The following MTUS1 variants were observed in gnomAD, a reference collection of about 807,000 sequenced individuals.
MTUS1 encodes microtubule-associated tumor suppressor 1.
Under a neutral mutation model 120.8 loss-of-function variants are expected in MTUS1, and 109 were observed. The observed-to-expected ratio is 0.90, with a 90% CI of 0.77 to 1.06. The LOEUF is 1.06. Among genes scored for constraint, MTUS1 ranks in the 50% least tolerant of loss-of-function variants. The pLI is 0.00. For synonymous variants in MTUS1, 737 were observed against 550.5 expected, an observed-to-expected ratio of 1.34 and a Z score of -4.74; for missense variants, 2,210 against 1,486.3, an observed-to-expected ratio of 1.49 and a Z score of -8.01.
intron 1 of MTUS1, among the ~76,000 whole-genome samples, chr8:17,765,657 A>C (rs2049424695): frequency 1.4e-5 from 2 of 140,252 alleles, no homozygotes; most frequent in Non-Finnish European, 3.1e-5. Flanking sequence ...TCTATACTTC[A>C]CCATCATTAA....
chr8:17,687,289 A>T (rs1293179254), intron 6 of MTUS1, among the ~76,000 whole-genome samples: 1 of 152,128 alleles, frequency 6.6e-6, no homozygotes, highest in Non-Finnish European at 1.5e-5. Flanking sequence ...CAGTTTCCAC[A>T]TGCTTCCCAC....
chr8:17,680,182 G>T (rs905754201), intron 7 of MTUS1, among the ~76,000 whole-genome samples: 1 of 152,234 alleles, frequency 6.6e-6, no homozygotes, highest in East Asian at 1.9e-4. Context: ...GTGGGTTCTG[G>T]ACTGGGAGTG....
intron 5 of MTUS1, 119 bp from the exon 6 acceptor site, chr8:17,713,371 G>A (rs558707714): frequency 3.8e-5 from 25 of 654,072 alleles, no homozygotes; most frequent in African/African-American, 1.5e-4. Context: ...TCAGGTTCCC[G>A]GTGGGAAATA....
At chr8:17,696,464 C>A (rs1276097191) in intron 6 of MTUS1, among the ~76,000 whole-genome samples, 1 of 152,022 alleles carries the variant, frequency 6.6e-6, no homozygotes, top group African/African-American at 2.4e-5. Flanking sequence ...GCTATTCAGC[C>A]CAAAACAAAT....
intron 2 of MTUS1, among the ~76,000 whole-genome samples, chr8:17,750,761 C>G (rs974458985): frequency 6.6e-6 from 1 of 152,230 alleles, no homozygotes; most frequent in South Asian, 2.1e-4. Context: ...AGAGCAAGCA[C>G]TGAATAAATA....
chr8:17,660,442 A>T (rs1355064082), intron 8 of MTUS1, among the ~76,000 whole-genome samples: 1 of 152,166 alleles, frequency 6.6e-6, no homozygotes, highest in East Asian at 1.9e-4. Flanking sequence ...CCATCCACGG[A>T]CACTTGGGTT....
At chr8:17,728,026 C>T (rs554276249) in intron 3 of MTUS1, among the ~76,000 whole-genome samples, 11 of 152,140 alleles carry the variant, frequency 7.2e-5, no homozygotes, top group African/African-American at 2.2e-4. Flanking sequence ...CAGTAAAAGA[C>T]GCCTAGCAAA....
chr8:17,673,366 G>A (rs939596148), intron 8 of MTUS1, among the ~76,000 whole-genome samples: 81 of 152,176 alleles, frequency 5.3e-4, no homozygotes, highest in African/African-American at 1.8e-3. Flanking sequence ...AATAAAGTGA[G>A]GACTGATGTC....
At chr8:17,711,625 G>C (rs1398931391) in intron 6 of MTUS1, among the ~76,000 whole-genome samples, 1 of 152,122 alleles carries the variant, frequency 6.6e-6, no homozygotes, top group African/African-American at 2.4e-5. Context: ...TTTCTTATTT[G>C]AGTGTTCACT....
intron 1 of MTUS1, among the ~76,000 whole-genome samples, chr8:17,784,789 CTT>C (rs35184947): frequency 6.8e-6 from 1 of 147,306 alleles, no homozygotes. Flanking sequence ...ACAAGAAGAA[CTT>C]TTTTTTTTTT....
chr8:17,656,259 G>C (rs1808203175), intron 8 of MTUS1, among the ~76,000 whole-genome samples, 194 bp from the exon 9 acceptor site: 1 of 152,144 alleles, frequency 6.6e-6, no homozygotes. Context: ...AGGGCGCAGT[G>C]GCTCACACCT....
In MTUS1 at chr8:17,656,005, T is replaced by C. The variant is rs200082558; in HGVS notation, c.2966A>G (p.Tyr989Cys). 9.3e-6 allele frequency: 15 copies of C among 1,614,136 alleles called. No individual in the cohort carries two copies. In the African/African-American group the frequency reaches 1.5e-4, roughly 16 times the overall value. Residue 989 changes from tyrosine (Y) to cysteine (C), a missense_variant, in exon 9 of 15, where the codon TAT becomes TGT. Transcript: ENST00000693296. ...EKARNELQTVYEAFVQQHQAE... is the reference protein window; with the variant it reads ...EKARNELQTVCEAFVQQHQAE... ...CTGGTGCTGCTGGACGAATGCTTCA[T>C]ACACTGTTTGTAACTCATTCCTGGC...
chr8:17,757,211 G>A (rs923729246), intron 1 of MTUS1, among the ~76,000 whole-genome samples: 48 of 152,012 alleles, frequency 3.2e-4, no homozygotes, highest in African/African-American at 1.1e-3. Context: ...ATATTCCTCA[G>A]CAATAGAAAG....
chr8:17,786,424 A>C (rs533925009), intron 1 of MTUS1, among the ~76,000 whole-genome samples: 6 of 152,234 alleles, frequency 3.9e-5, no homozygotes, highest in African/African-American at 1.4e-4. Context: ...ACCATCTCAG[A>C]AGTGGGTGAG....
chr8:17,683,564 T>C (rs1815082798), intron 7 of MTUS1, among the ~76,000 whole-genome samples: 1 of 152,212 alleles, frequency 6.6e-6, no homozygotes, highest in Non-Finnish European at 1.5e-5. Context: ...AATGCTGGGA[T>C]TCCAGGCATG....
intron 1 of MTUS1, among the ~76,000 whole-genome samples, chr8:17,757,080 T>G (rs1265896217): frequency 6.6e-6 from 1 of 152,122 alleles, no homozygotes; most frequent in Admixed American, 6.5e-5. Context: ...ACATGGGAAC[T>G]TGCACACAAA....
intron 3 of MTUS1, chr8:17,724,242 C>A: frequency 5.9e-6 from 2 of 339,946 alleles, no homozygotes; most frequent in South Asian, 2.2e-5. Flanking sequence ...GGACAATAGG[C>A]TATCATATAA....
At chr8:17,799,722 G>A (rs796931899) in intron 1 of MTUS1, among the ~76,000 whole-genome samples, 6 of 152,162 alleles carry the variant, frequency 3.9e-5, no homozygotes, top group African/African-American at 1.4e-4. Context: ...TTCCAAGCAT[G>A]ATTTTCTACC....
At chr8:17,716,159 C>T (rs550943922) in intron 4 of MTUS1, among the ~76,000 whole-genome samples, 3 of 152,284 alleles carry the variant, frequency 2.0e-5, no homozygotes, top group South Asian at 2.1e-4. Flanking sequence ...TCCAGTTCAG[C>T]TTTCATCCCA....
Sources: allele counts gnomAD v4.1 joint callset (sites outside exome capture counted in the v4.1 genomes callset), GRCh38; gene constraint gnomAD v4.1.1; transcripts MANE v1.5; gene names NCBI Gene and HGNC (gene_info 2026-07-23, HGNC 2026-07-21).